The following CADPS variants were observed in gnomAD, a reference collection of about 807,000 sequenced individuals.
CADPS encodes the protein calcium dependent secretion activator.
A neutral mutation model predicts 167.3 loss-of-function variants in CADPS; 57 were observed. The ratio of observed to expected loss-of-function variants is 0.34; its 90% CI spans 0.28 to 0.42. The LOEUF (loss-of-function observed/expected upper bound fraction) is 0.42, where lower values mean the gene tolerates loss of function less well. Among genes scored for constraint, CADPS ranks in the 20% least tolerant of loss-of-function variants. CADPS has a pLI of 1.00. For synonymous variants in CADPS, 676 were observed against 635.3 expected (o/e 1.06, Z -0.96); for missense variants, 1,414 against 1,738.1 (o/e 0.81, Z 3.32).
intron 7 of CADPS, among the ~76,000 whole-genome samples, chr3:62,590,294 T>G (rs1353253828): frequency 6.6e-6 from 1 of 152,116 alleles, no homozygotes; most frequent in Non-Finnish European, 1.5e-5. Flanking sequence ...ACTTGTTCCT[T>G]CTAACACTAA....
Position 62,662,385 on chromosome 3 carries a change from G to T in CADPS, c.898C>A (p.Pro300Thr). ...LLYNACQLDN[P>T]DEQAAQIRRE... ...CTGATCTGGGCTGCTTGCTCATCTG[G>T]ATTGTCCAGCTGCACAAAAGCACAG... The change falls in exon 4 of 30, where the codon CCA becomes ACA. Residue 300 changes from proline to threonine, a missense_variant. By Grantham distance (38) the Pro-to-Thr change is conservative (BLOSUM62 -1). Around this residue, in one of 6 missense-constraint regions of CADPS, gnomAD observed 522 missense variants for 559.5 expected, o/e 0.93. Coordinates refer to ENST00000383710, the MANE Select transcript of CADPS (RefSeq NM_003716.4). 6.2e-7 allele frequency: 1 copy of T among 1,613,860 alleles called. No homozygotes were observed. The highest frequency in any genetic ancestry group is 8.5e-7 in the Non-Finnish European group (1 of 1,179,864).
Position 62,874,869 on chromosome 3 carries a change from C to A in CADPS, c.161G>T (p.Gly54Val), listed in dbSNP as rs903630359. The A allele has an allele frequency of 2.8e-5, 32 of 1,132,488 alleles. No individual in the cohort carries two copies. The African/African-American group carries it at 4.5e-4, about 16-fold the overall frequency. 70.2% of individuals were successfully genotyped at this position (1,132,488 alleles called of 1,614,324 possible). Reference sequence around the variant, plus strand: ...GCCTGCACCCACCCCGGCTCCGGCGCCGGCGCCGCCGCCCCCCAGCCCGGC... The same window carrying A: ...GCCTGCACCCACCCCGGCTCCGGCGACGGCGCCGCCGCCCCCCAGCCCGGC... ...GSAGLGGGGAGAGAGVGAGGG... is the reference protein window; with the variant it reads ...GSAGLGGGGAVAGAGVGAGGG... Residue 54 changes from glycine to valine, a missense_variant, in exon 1 of 30, where the codon GGC becomes GTC. Physicochemically the swap from Gly to Val is moderately radical, Grantham distance 109 (BLOSUM62 -3). Around this residue, in one of 6 missense-constraint regions of CADPS, gnomAD observed 522 missense variants for 559.5 expected, o/e 0.93. Transcript: ENST00000383710. This position sits in a 1 kb window ranked among gnomAD's most constrained non-coding sequence, Gnocchi z 7.1.
chr3:62,440,274 G>C (rs2056042288), intron 27 of CADPS: 1 of 151,550 alleles, frequency 6.6e-6, no homozygotes, highest in Non-Finnish European at 1.5e-5. Context: ...ATTTTTACTG[G>C]ATCTCCCACA....
intron 4 of CADPS, among the ~76,000 whole-genome samples, chr3:62,660,546 T>G (rs1445264009): frequency 6.6e-6 from 1 of 152,208 alleles, no homozygotes; most frequent in African/African-American, 2.4e-5. Context: ...TAAAACTGCT[T>G]AAGCACAGGG....
At chr3:62,468,337 G>A (rs1054789982) in intron 24 of CADPS, among the ~76,000 whole-genome samples, 3 of 152,062 alleles carry the variant, frequency 2.0e-5, no homozygotes, top group African/African-American at 7.2e-5. Context: ...TTAATTATGG[G>A]AGTAAACTAA....
intron 26 of CADPS, among the ~76,000 whole-genome samples, chr3:62,460,454 T>G (rs965794473): frequency 2.0e-5 from 3 of 152,140 alleles, no homozygotes; most frequent in Non-Finnish European, 4.4e-5. Context: ...TAAAAAGCCG[T>G]CTCTCCTACC....
intron 13 of CADPS, chr3:62,530,616 T>C (rs2151948888): frequency 8.2e-7 from 1 of 1,225,218 alleles, no homozygotes; most frequent in East Asian, 6.1e-5. Flanking sequence ...AGGGTAAAGA[T>C]ATTACAAACA....
At chr3:62,425,878 T>G (rs2052549741) in intron 28 of CADPS, among the ~76,000 whole-genome samples, 1 of 152,154 alleles carries the variant, frequency 6.6e-6, no homozygotes, top group Non-Finnish European at 1.5e-5. Context: ...CTCTTTCGCC[T>G]CCCCAAATCC....
At chr3:62,535,446 T>C (rs548505788) in intron 12 of CADPS, among the ~76,000 whole-genome samples, 343 of 151,800 alleles carry the variant, frequency 2.3e-3, no homozygotes, top group Non-Finnish European at 3.5e-3. Context: ...AAAAAGAAAT[T>C]TAAAATAAAA....
At position 62,874,872 on chromosome 3, in the gene CADPS, G is replaced by GCGCCGC. The variant is rs999175689; in HGVS notation, c.152_157dup (p.Gly51_Gly52dup). The GCGCCGC allele has an allele frequency of 1.7e-6, 2 of 1,145,764 alleles. No homozygotes were observed. The highest frequency in any genetic ancestry group is 2.1e-6 in the Non-Finnish European group (2 of 935,716). The allele number at this position is 1,145,764 out of a possible 1,614,324, so 71.0% of individuals were successfully genotyped here. A position where few individuals can be genotyped will look rare whatever the true frequency, so the allele number is the denominator to read the frequency against. ...TGCACCCACCCCGGCTCCGGCGCCG[G>GCGCCGC]CGCCGCCGCCCCCCAGCCCGGCGCT... On this transcript the variant is annotated inframe_insertion, in exon 1 of 30. Transcript: ENST00000383710. This position sits in a 1 kb window ranked among gnomAD's most constrained non-coding sequence, Gnocchi z 7.1.
intron 13 of CADPS, among the ~76,000 whole-genome samples, chr3:62,527,893 A>C (rs1362451031): frequency 6.6e-6 from 1 of 152,222 alleles, no homozygotes; most frequent in South Asian, 2.1e-4. Context: ...AACAAAGAAT[A>C]GATAACATCT....
chr3:62,719,593 C>T (rs763941241), intron 3 of CADPS, among the ~76,000 whole-genome samples: 1 of 152,208 alleles, frequency 6.6e-6, no homozygotes, highest in Non-Finnish European at 1.5e-5. Flanking sequence ...ATTCTCAGTG[C>T]CAAGCACAGT....
intron 1 of CADPS, among the ~76,000 whole-genome samples, chr3:62,800,575 G>C (rs942701458): frequency 6.6e-6 from 1 of 152,086 alleles, no homozygotes; most frequent in Non-Finnish European, 1.5e-5. Context: ...ATTAAATATA[G>C]AAATATGTTT....
intron 1 of CADPS, among the ~76,000 whole-genome samples, chr3:62,868,486 T>A (rs1251539432): frequency 1.3e-5 from 2 of 152,076 alleles, no homozygotes. Context: ...CTTCCACTTG[T>A]AAGAGAAGCC....
At chr3:62,410,064 A>G (rs1028576859) in intron 28 of CADPS, among the ~76,000 whole-genome samples, 1 of 152,168 alleles carries the variant, frequency 6.6e-6, no homozygotes, top group Non-Finnish European at 1.5e-5. Flanking sequence ...ACACACACAC[A>G]TACTCCCAAC....
intron 22 of CADPS, 49 bp downstream of exon 22, chr3:62,481,674 C>T (rs1308616310): frequency 6.6e-7 from 1 of 1,510,212 alleles, no homozygotes; most frequent in African/African-American, 1.4e-5. Flanking sequence ...CATATCCATG[C>T]CAAGATCACT....
At chr3:62,736,787 G>A (rs1423599513) in intron 3 of CADPS, among the ~76,000 whole-genome samples, 5 of 152,166 alleles carry the variant, frequency 3.3e-5, no homozygotes, top group African/African-American at 1.2e-4. Context: ...ACAACTTGCA[G>A]AAATCCAGAT....
chr3:62,589,001 G>T (rs79624699), intron 7 of CADPS, among the ~76,000 whole-genome samples: 17,087 of 152,104 alleles, frequency 0.11, 1,173 homozygotes, highest in South Asian at 0.18. Flanking sequence ...AGGGATACGA[G>T]GGTGAGATAG....
intron 22 of CADPS, among the ~76,000 whole-genome samples, chr3:62,479,697 C>T (rs1417710545): frequency 6.6e-6 from 1 of 152,196 alleles, no homozygotes; most frequent in African/African-American, 2.4e-5. Flanking sequence ...GAGCAGGTAA[C>T]ATATAAACAC....
Sources: allele counts gnomAD v4.1 joint callset (sites outside exome capture counted in the v4.1 genomes callset), GRCh38; gene constraint gnomAD v4.1.1; regional missense constraint gnomAD v4.1.1; non-coding constraint Gnocchi (gnomAD v3.1); transcripts MANE v1.5; gene names NCBI Gene and HGNC (gene_info 2026-07-23, HGNC 2026-07-21).